Variants in GMCL1 observed in about 807,000 individuals in gnomAD.
GMCL1 encodes the protein germ cell-less 1, spermatogenesis associated, also known as germ cell-less protein-like 1.
In GMCL1, 54 loss-of-function variants were observed where a neutral mutation model predicts 75.5. The observed-to-expected ratio is 0.71, with a 90% CI of 0.57 to 0.90. The LOEUF (loss-of-function observed/expected upper bound fraction) is 0.90, where lower values mean the gene tolerates loss of function less well. Ranked by LOEUF, GMCL1 falls within the 40% of genes least tolerant of loss-of-function variation. GMCL1 has a pLI of 0.00. For synonymous variants in GMCL1, 210 were observed against 209.6 expected (o/e 1.00, Z -0.02); for missense variants, 537 against 622.7 (o/e 0.86, Z 1.47).
Position 69,837,615 on chromosome 2 carries a change from T to G in GMCL1, c.329T>G (p.Ile110Ser), listed in dbSNP as rs375862305. The G allele has an allele frequency of 6.2e-7, 1 of 1,606,682 alleles. No individual in the cohort carries two copies. The highest frequency in any genetic ancestry group is 8.5e-7 in the Non-Finnish European group (1 of 1,177,702). Residue 110 changes from isoleucine to serine, a missense_variant, in exon 2 of 14, where the codon ATT (isoleucine) becomes AGT (serine). This residue lies in a region of GMCL1 where 48 missense variants were observed against 85.0 expected (regional missense o/e 0.56). Coordinates refer to ENST00000282570, the MANE Select transcript of GMCL1 (RefSeq NM_178439.5). ...TLFLNGENSD[I>S]KICALGEEWS... The stretch of plus-strand genomic sequence containing the variant: ...TTTTTGAATGGTGAAAACAGTGACA[T>G]TAAGATTTGTGCTCTAGGAGAAGAA...
At chr2:69,839,578 A>G in intron 3 of GMCL1, 25 bp downstream of exon 3, 1 of 1,268,138 alleles carries the variant, frequency 7.9e-7, no homozygotes, top group East Asian at 2.3e-5. Flanking sequence ...AATTACTATT[A>G]TGCAACAATC....
At chr2:69,861,539 T>C (rs1003359838) in intron 10 of GMCL1, among the ~76,000 whole-genome samples, 192 bp downstream of exon 10, 1 of 152,218 alleles carries the variant, frequency 6.6e-6, no homozygotes, top group African/African-American at 2.4e-5. Flanking sequence ...AATTAGATAG[T>C]ATAATGCAAT....
chr2:69,848,881 A>G (rs1234520964), intron 7 of GMCL1, among the ~76,000 whole-genome samples: 1 of 152,218 alleles, frequency 6.6e-6, no homozygotes, highest in African/African-American at 2.4e-5. Flanking sequence ...TGCCAGGTTC[A>G]GGATTTAAAA....
At chr2:69,835,705 A>G (rs1267399416) in intron 1 of GMCL1, among the ~76,000 whole-genome samples, 1 of 152,200 alleles carries the variant, frequency 6.6e-6, no homozygotes, top group African/African-American at 2.4e-5. Flanking sequence ...CCTCATAGTT[A>G]GGGCCAAACA....
chr2:69,831,413 ATTGT>A (rs1323606891), intron 1 of GMCL1, among the ~76,000 whole-genome samples: 1 of 152,002 alleles, frequency 6.6e-6, no homozygotes, highest in Non-Finnish European at 1.5e-5. Context: ...AACTTTTTTA[ATTGT>A]TTGTTTGATT....
intron 7 of GMCL1, 127 bp downstream of exon 7, chr2:69,847,754 C>T (rs190675409): frequency 7.3e-4 from 372 of 511,008 alleles, no homozygotes; most frequent in African/African-American, 6.0e-3. Flanking sequence ...GGAAATAGGC[C>T]GAAACCTTAA....
At chr2:69,852,382 A>G (rs1675341686) in intron 8 of GMCL1, among the ~76,000 whole-genome samples, 1 of 152,246 alleles carries the variant, frequency 6.6e-6, no homozygotes, top group African/African-American at 2.4e-5. Flanking sequence ...CATTGATTGC[A>G]CAAACCAAAA....
At chr2:69,833,954 T>G (rs997046110) in intron 1 of GMCL1, among the ~76,000 whole-genome samples, 5 of 152,234 alleles carry the variant, frequency 3.3e-5, no homozygotes, top group African/African-American at 1.2e-4. Flanking sequence ...GCTAGGATTA[T>G]AAATCATACT....
chr2:69,837,799 C>G, intron 2 of GMCL1, 129 bp downstream of exon 2: 1 of 1,081,830 alleles, frequency 9.2e-7, no homozygotes, highest in Non-Finnish European at 1.3e-6. Context: ...TTTGATCAGT[C>G]TGTAAGAAAA....
At chr2:69,846,179 A>G (rs145673576) in intron 6 of GMCL1, among the ~76,000 whole-genome samples, 1 of 152,084 alleles carries the variant, frequency 6.6e-6, no homozygotes, top group East Asian at 1.9e-4. Context: ...GACTTTCATC[A>G]CCTGGTGATG....
intron 3 of GMCL1, 140 bp downstream of exon 3, chr2:69,839,693 T>C (rs1674927143): frequency 1.1e-5 from 6 of 551,408 alleles, no homozygotes; most frequent in Non-Finnish European, 2.0e-5. Context: ...TTGATGTTGA[T>C]TTACACCATA....
chr2:69,869,164 G>A (rs1179573041), intron 11 of GMCL1, among the ~76,000 whole-genome samples: 6 of 151,320 alleles, frequency 4.0e-5, no homozygotes, highest in African/African-American at 1.2e-4. Context: ...CAGGAGAATC[G>A]CTTGAACCCG....
intron 1 of GMCL1, among the ~76,000 whole-genome samples, chr2:69,833,969 G>A (rs1455231001): frequency 1.3e-5 from 2 of 152,194 alleles, no homozygotes; most frequent in Non-Finnish European, 2.9e-5. Context: ...CATACTTGAT[G>A]GGTCCAGTGT....
rs1675765586 is a variant in GMCL1, at chr2:69,864,933, A to G, written c.1176A>G (p.Gly392=). 6.2e-7 allele frequency: 1 copy of G among 1,613,414 alleles called. No individual in the cohort carries two copies. Among genetic ancestry groups the G allele is most frequent in the African/African-American group, 1.3e-5 (1 of 74,900 alleles). ...AAATCAATAAAGAAGAACTAGAGGG[A>G]AACAGCATGAGGTGTGGTAGAAAGC... The part of the protein sequence containing the change: ...PQEINKEELE[G]NSMRCGRKLA... Residue 392 remains glycine, a synonymous_variant, in exon 11 of 14, where the codon GGA becomes GGG. Coordinates refer to ENST00000282570, the MANE Select transcript of GMCL1 (RefSeq NM_178439.5).
intron 1 of GMCL1, among the ~76,000 whole-genome samples, chr2:69,834,524 A>G (rs1349401747): frequency 1.2e-4 from 19 of 152,158 alleles, no homozygotes; most frequent in Admixed American, 1.2e-3. Flanking sequence ...ATCTAAAGTA[A>G]CTTTCTTCAT....
At chr2:69,868,851 C>G (rs1392050126) in intron 11 of GMCL1, among the ~76,000 whole-genome samples, 1 of 151,250 alleles carries the variant, frequency 6.6e-6, no homozygotes, top group Non-Finnish European at 1.5e-5. Context: ...TGCAGTGGCT[C>G]ACGCCTGTAA....
chr2:69,861,689 A>G (rs1431958973), intron 10 of GMCL1, among the ~76,000 whole-genome samples: 1 of 152,182 alleles, frequency 6.6e-6, no homozygotes, highest in African/African-American at 2.4e-5. Context: ...TAATTTTTAT[A>G]TTTATGTCTA....
intron 6 of GMCL1, chr2:69,844,706 C>A: frequency 6.0e-6 from 1 of 167,956 alleles, no homozygotes; most frequent in Non-Finnish European, 1.3e-5. Context: ...GTAGTCCCAG[C>A]TACTCTGGAG....
chr2:69,838,784 C>T (rs1442390303), intron 2 of GMCL1, among the ~76,000 whole-genome samples: 1 of 152,112 alleles, frequency 6.6e-6, no homozygotes, highest in African/African-American at 2.4e-5. Flanking sequence ...CTTTACCCCT[C>T]GTGGAAGATG....
Sources: allele counts gnomAD v4.1 joint callset (sites outside exome capture counted in the v4.1 genomes callset), GRCh38; gene constraint gnomAD v4.1.1; regional missense constraint gnomAD v4.1.1; transcripts MANE v1.5; gene names NCBI Gene and HGNC (gene_info 2026-07-23, HGNC 2026-07-21).